RAP1B: variants seen among roughly 807,000 people sequenced by gnomAD.
RAP1B encodes RAP1B, member of RAS oncogene family.
RAP1B carries 1 observed loss-of-function variant against 27.5 expected under a neutral mutation model. That is an observed-to-expected ratio of 0.04 (90% CI 0.01 to 0.17). The LOEUF is 0.17. Ranked by LOEUF, RAP1B falls within the 10% of genes least tolerant of loss-of-function variation. The pLI, the probability that RAP1B is intolerant of heterozygous loss-of-function variation, is 1.00. For missense variants in RAP1B, 84 were observed against 214.8 expected (o/e 0.39, Z 3.81); for synonymous variants, 75 against 73.1 (o/e 1.03, Z -0.13).
chr12:68,651,930 T>C, intron 3 of RAP1B, 65 bp from the exon 4 acceptor site: 1 of 1,238,828 alleles, frequency 8.1e-7, no homozygotes, highest in Non-Finnish European at 1.2e-6. Flanking sequence ...TTAGCTTTTT[T>C]GTGTATATTA....
rs558752788 is a variant in RAP1B at position 68,641,630 on chromosome 12, C to T, written c.-26-7069C>T. Among the ~76,000 whole-genome samples, 15 of 152,106 alleles carry T rather than the reference C, an allele frequency of 9.9e-5. 1 individual carries two copies. The highest frequency in any genetic ancestry group is 6.2e-4 in the South Asian group (3 of 4,822). ...TCATCAATCAGGTTAGTTGCAGTCA[C>T]GCAAATTTTAGGTGATTATATAAGG... On this transcript the variant is annotated intron_variant, in intron 1 of 7. Transcript: ENST00000250559.
In RAP1B at chr12:68,617,594, C is replaced by T. The variant is rs979749669; in HGVS notation, c.-27+6551C>T. On this transcript the variant is annotated intron_variant, in intron 1 of 7. Transcript: ENST00000250559. ...TATAAAGAAGAAAATGAGTATCATCCGTAATGCCATCACTACAATGACTTT... is the reference window on the plus strand; with the variant it reads ...TATAAAGAAGAAAATGAGTATCATCTGTAATGCCATCACTACAATGACTTT... Among the ~76,000 whole-genome samples, 117 of 152,098 alleles carry T rather than the reference C, an allele frequency of 7.7e-4. 1 individual carries two copies. The highest frequency in any genetic ancestry group is 3.5e-4 in the Non-Finnish European group (24 of 68,028).
intron 4 of RAP1B, 31 bp from the exon 5 acceptor site, chr12:68,654,078 ATTG>A: frequency 6.5e-7 from 1 of 1,532,862 alleles, no homozygotes; most frequent in Non-Finnish European, 9.0e-7. Flanking sequence ...TCAAAACATT[ATTG>A]TTTTTTAACG....
intron 1 of RAP1B, chr12:68,642,728 A>G (rs1020136391): frequency 6.5e-6 from 7 of 1,081,488 alleles, no homozygotes; most frequent in African/African-American, 6.1e-5. Context: ...TTCGGCATCC[A>G]CCTGCGCAGT....
chr12:68,635,107 CAAAGT>C (rs945138142), intron 1 of RAP1B, among the ~76,000 whole-genome samples: 28 of 152,144 alleles, frequency 1.8e-4, no homozygotes, highest in African/African-American at 5.6e-4. Flanking sequence ...GCAGACAACT[CAAAGT>C]AAATATGATA....
chr12:68,638,440 A>G (rs1872771456), intron 1 of RAP1B, among the ~76,000 whole-genome samples: 1 of 152,206 alleles, frequency 6.6e-6, no homozygotes. Flanking sequence ...AGTGCCCACT[A>G]GTCTTAATGG....
chr12:68,652,110 T>G, intron 4 of RAP1B, 59 bp downstream of exon 4: 1 of 1,284,604 alleles, frequency 7.8e-7, no homozygotes, highest in Non-Finnish European at 1.1e-6. Context: ...ACTTCATAAA[T>G]GCTAGTACTC....
chr12:68,620,438 G>C (rs1871311225), intron 1 of RAP1B, among the ~76,000 whole-genome samples: 1 of 151,934 alleles, frequency 6.6e-6, no homozygotes, highest in African/African-American at 2.4e-5. Flanking sequence ...GGCCAGGCTG[G>C]TCCCGAACTC....
In RAP1B at chr12:68,654,150, T is replaced by C. The variant is rs1874026529; in HGVS notation, c.222T>C (p.Asn74=). 1.3e-6 allele frequency: 2 copies of C among 1,599,420 alleles called. No homozygotes were observed. Among genetic ancestry groups the C allele is most frequent in the Non-Finnish European group, 1.7e-6 (2 of 1,167,028 alleles). ...CAATGAGGGATTTATACATGAAAAA[T>C]GGACAAGGATTTGCATTAGTTTATT... ...FTAMRDLYMK[N]GQGFALVYSI... Residue 74 remains asparagine, a synonymous_variant, in exon 5 of 8, where the codon AAT becomes AAC. Transcript: ENST00000250559.
rs1329599840 is a variant in RAP1B, at chr12:68,666,715, C to A, written c.*7466C>A. 1 of 152,160 alleles carries A rather than the reference C, an allele frequency of 6.6e-6. No individual in the cohort carries two copies. Among genetic ancestry groups the A allele is most frequent in the African/African-American group, 2.4e-5 (1 of 41,426 alleles). The allele number at this position is 152,160 out of a possible 1,614,324, so 9.4% of individuals were successfully genotyped here. A position where few individuals can be genotyped will look rare whatever the true frequency, so the allele number is the denominator to read the frequency against. ...GTTTGGGGGTTGGGATGTGGACATG[C>A]CTTTGGGAGCCATTAACAACCTACC... On this transcript the variant is annotated 3_prime_UTR_variant, in exon 8 of 8. Transcript: ENST00000250559.
chr12:68,641,462 G>T (rs1452702900), intron 1 of RAP1B, among the ~76,000 whole-genome samples: 1 of 152,168 alleles, frequency 6.6e-6, no homozygotes, highest in Non-Finnish European at 1.5e-5. Context: ...TGATAAAAAA[G>T]AACCAATGCA....
rs549585194 is a variant in RAP1B, at chr12:68,652,162, G to T, written c.183+111G>T. The T allele has an allele frequency of 4.1e-5, 34 of 829,682 alleles. No individual in the cohort carries two copies. The African/African-American group carries it at 5.1e-4, about 12-fold the overall frequency. The allele number at this position is 829,682 out of a possible 1,614,324, so 51.4% of individuals were successfully genotyped here. A position where few individuals can be genotyped will look rare whatever the true frequency, so the allele number is the denominator to read the frequency against. ...TTAAGCTTATTTAAAAGTACTGCTT[G>T]CAGCCGGTTGTAGTGGCTCACACCT... On this transcript the variant is annotated intron_variant, in intron 4 of 7. Coordinates refer to ENST00000250559, the MANE Select transcript of RAP1B (RefSeq NM_001010942.3).
At chr12:68,646,485 G>A (rs1440476681) in intron 1 of RAP1B, among the ~76,000 whole-genome samples, 1 of 152,048 alleles carries the variant, frequency 6.6e-6, no homozygotes, top group Admixed American at 6.6e-5. Context: ...TAGTAGAAAC[G>A]GGGTTTCACC....
chr12:68,632,681 A>G (rs1872352349), intron 1 of RAP1B, among the ~76,000 whole-genome samples: 1 of 152,186 alleles, frequency 6.6e-6, no homozygotes, highest in Non-Finnish European at 1.5e-5. Context: ...CTGTAAAAGA[A>G]TGTGGAGTAA....
chr12:68,653,787 C>T (rs551260179), intron 4 of RAP1B, among the ~76,000 whole-genome samples: 3 of 151,900 alleles, frequency 2.0e-5, no homozygotes, highest in South Asian at 4.2e-4. Context: ...AAAAATTAGC[C>T]GGGCATGGTG....
At chr12:68,656,696 G>A (rs1286089419) in intron 6 of RAP1B, 1 of 564,966 alleles carries the variant, frequency 1.8e-6, no homozygotes, top group East Asian at 3.0e-5. Context: ...TACATGGATA[G>A]GGAAGACAGA....
At chr12:68,613,144 G>C (rs1870727185) in intron 1 of RAP1B, among the ~76,000 whole-genome samples, 1 of 152,124 alleles carries the variant, frequency 6.6e-6, no homozygotes, top group South Asian at 2.1e-4. Flanking sequence ...CGGATCATTT[G>C]AGGTGAAGAG....
intron 1 of RAP1B, among the ~76,000 whole-genome samples, chr12:68,611,560 A>G (rs1870592609): frequency 6.6e-6 from 1 of 152,068 alleles, no homozygotes; most frequent in African/African-American, 2.4e-5. Flanking sequence ...AGCTAGGGCG[A>G]GGAGCCTTCG....
At chr12:68,636,884 C>T (rs1872665904) in intron 1 of RAP1B, among the ~76,000 whole-genome samples, 1 of 151,326 alleles carries the variant, frequency 6.6e-6, no homozygotes, top group African/African-American at 2.4e-5. Flanking sequence ...GAACTCCTGA[C>T]CTCAGGTGAT....
Sources: gnomAD v4.1 joint callset for allele counts (sites outside exome capture counted in the v4.1 genomes callset) on GRCh38, gnomAD v4.1.1 for gene constraint, MANE v1.5 for transcripts, NCBI Gene and HGNC (gene_info 2026-07-23, HGNC 2026-07-21) for gene names.